SPATA13: variants seen among roughly 807,000 people sequenced by gnomAD.
SPATA13 encodes the protein spermatogenesis associated 13.
A neutral mutation model predicts 104.0 loss-of-function variants in SPATA13; 50 were observed. The ratio of observed to expected loss-of-function variants is 0.48; its 90% CI spans 0.38 to 0.61. The LOEUF (loss-of-function observed/expected upper bound fraction) is 0.61. Among genes scored for constraint, SPATA13 ranks in the 20% least tolerant of loss-of-function variants. The pLI is 0.00. For synonymous variants in SPATA13, 606 were observed against 667.5 expected (o/e 0.91, Z 1.42); for missense variants, 1,524 against 1,690.6 (o/e 0.90, Z 1.73).
At chr13:24,185,667 A>G (rs1869096863) in intron 1 of SPATA13, among the ~76,000 whole-genome samples, 1 of 152,154 alleles carries the variant, frequency 6.6e-6, no homozygotes, top group African/African-American at 2.4e-5. Context: ...ATGAAACATC[A>G]TAATTGAAGG....
At chr13:24,192,758 G>C (rs1220352403) in intron 1 of SPATA13, among the ~76,000 whole-genome samples, 1 of 152,090 alleles carries the variant, frequency 6.6e-6, no homozygotes, top group South Asian at 2.1e-4. Context: ...TTGTGGAAGG[G>C]GTGCCATGGA....
intron 8 of SPATA13, 71 bp downstream of exon 8, chr13:24,289,249 C>T: frequency 7.8e-7 from 1 of 1,277,930 alleles, no homozygotes; most frequent in South Asian, 1.4e-5. Flanking sequence ...CCACAGAAAA[C>T]AGGAGTCTCT....
At chr13:24,221,588 G>A (rs79688450) in intron 1 of SPATA13, among the ~76,000 whole-genome samples, 1,865 of 152,168 alleles carry the variant, frequency 0.012, 41 homozygotes, top group African/African-American at 0.042. Context: ...AGATCTGAGG[G>A]GAAGGGATGG....
chr13:24,025,868 G>T (rs1431264728), intron 3 of SPATA13, among the ~76,000 whole-genome samples: 1 of 148,876 alleles, frequency 6.7e-6, no homozygotes, highest in African/African-American at 2.5e-5. Context: ...GGAGTGCAAT[G>T]GCGCGATCTC....
chr13:24,006,895 G>A (rs1200564440), intron 2 of SPATA13, among the ~76,000 whole-genome samples: 2 of 152,222 alleles, frequency 1.3e-5, no homozygotes, highest in Non-Finnish European at 2.9e-5. Context: ...CAATTAACAC[G>A]AAGCCCCTCT....
In SPATA13 at chr13:24,265,672, C is replaced by A. The variant is rs562602635; in HGVS notation, c.2164+13810C>A. Among the ~76,000 whole-genome samples the A allele has an allele frequency of 6.0e-3, 913 of 152,200 alleles. 4 individuals carry two copies. Among genetic ancestry groups the A allele is most frequent in the Non-Finnish European group, 7.2e-3 (488 of 68,010 alleles). ...AGCCTTGGTTCTTGGCTGATGTGCC[C>A]ATCCTTCCGCCCATGTCCTAAAGCT... On this transcript the variant is annotated intron_variant, in intron 4 of 12. Coordinates refer to ENST00000382108, the MANE Select transcript of SPATA13 (RefSeq NM_001166271.3).
At chr13:24,266,172 G>A (rs1390386559) in intron 4 of SPATA13, among the ~76,000 whole-genome samples, 1 of 151,904 alleles carries the variant, frequency 6.6e-6, no homozygotes, top group Non-Finnish European at 1.5e-5. Flanking sequence ...CTTTCCCATA[G>A]GTATGTAAAT....
intron 2 of SPATA13, among the ~76,000 whole-genome samples, chr13:24,245,121 G>A (rs928642548): frequency 1.3e-5 from 2 of 152,122 alleles, no homozygotes; most frequent in Non-Finnish European, 2.9e-5. Flanking sequence ...TGGTGCATCC[G>A]TGGGCCCCGG....
chr13:23,980,475 T>C (rs906171184), intron 1 of SPATA13, among the ~76,000 whole-genome samples: 5 of 152,240 alleles, frequency 3.3e-5, no homozygotes, highest in Admixed American at 6.5e-5. Flanking sequence ...CCTCTGTCAC[T>C]TGGTTAGGGA....
At chr13:24,065,925 T>G (rs1350052100) in intron 3 of SPATA13, among the ~76,000 whole-genome samples, 1 of 152,206 alleles carries the variant, frequency 6.6e-6, no homozygotes, top group African/African-American at 2.4e-5. Context: ...TTGGACCCCT[T>G]AAGTAATCTG....
chr13:24,090,242 T>C (rs1278403975), intron 3 of SPATA13, among the ~76,000 whole-genome samples: 1 of 152,180 alleles, frequency 6.6e-6, no homozygotes, highest in Non-Finnish European at 1.5e-5. Flanking sequence ...AACTCACATG[T>C]GTTGACTTCT....
rs931458410 is a variant in SPATA13, at chr13:24,161,061, G to C, written c.-112+129G>C. ...CGGGATGTCCAGCTCCCAGCTGCTT[G>C]GCCTCTGCTTCCCCCGCCGGTGGAG... On this transcript the variant is annotated intron_variant, in intron 1 of 12. Transcript: ENST00000382108. This position sits in a 1 kb window ranked among gnomAD's most constrained non-coding sequence, Gnocchi z 4.5. The C allele has an allele frequency of 2.5e-5, 13 of 528,876 alleles. No homozygotes were observed. Among genetic ancestry groups the C allele is most frequent in the Admixed American group, 6.4e-5 (1 of 15,748 alleles). The allele number at this position is 528,876 out of a possible 1,614,324, so 32.8% of individuals were successfully genotyped here. A position where few individuals can be genotyped will look rare whatever the true frequency, so the allele number is the denominator to read the frequency against.
At chr13:24,270,810 G>T (rs778384253) in intron 4 of SPATA13, 1 of 1,612,534 alleles carries the variant, frequency 6.2e-7, no homozygotes, top group South Asian at 1.1e-5. Context: ...CGGCTCCTCG[G>T]TCACACCCCA....
intron 3 of SPATA13, among the ~76,000 whole-genome samples, chr13:24,070,090 C>T (rs375110569): frequency 6.6e-5 from 10 of 152,158 alleles, no homozygotes; most frequent in African/African-American, 1.2e-4. Flanking sequence ...TTAGCTTGGA[C>T]GGTGTTTCAC....
intron 1 of SPATA13, among the ~76,000 whole-genome samples, chr13:24,209,860 T>C (rs113068079): frequency 7.0e-4 from 106 of 152,310 alleles, no homozygotes; most frequent in African/African-American, 2.5e-3. Context: ...CCACAGGGGC[T>C]GTACTAATTC....
At chr13:24,099,446 G>T (rs962011753) in intron 3 of SPATA13, among the ~76,000 whole-genome samples, 5 of 152,202 alleles carry the variant, frequency 3.3e-5, no homozygotes, top group Non-Finnish European at 5.9e-5. Flanking sequence ...ATTCCAAGTC[G>T]TCAGTGGCCA....
Position 24,249,754 on chromosome 13 carries a change from C to A in SPATA13, c.1931C>A (p.Ala644Asp), listed in dbSNP as rs143963425. The change falls in exon 3 of 13, where the codon GCC becomes GAC. Residue 644 changes from alanine to aspartate, a missense_variant. Transcript: ENST00000382108. ...QNAPVGCPKG[A>D]RRRRPISVIG... ...GCTCCAGTGGGCTGCCCCAAAGGAG[C>A]CCGGAGAAGGCGCCCCATTTCCGTG... is the stretch of plus-strand genomic sequence containing the variant. 150 of 1,614,112 alleles carry A rather than the reference C, an allele frequency of 9.3e-5. No individual in the cohort carries two copies. The African/African-American group carries it at 1.9e-3, about 20-fold the overall frequency.
At chr13:24,293,148 A>T (rs1010159368) in intron 9 of SPATA13, among the ~76,000 whole-genome samples, 26 of 151,842 alleles carry the variant, frequency 1.7e-4, no homozygotes, top group African/African-American at 5.8e-4. Flanking sequence ...AATTAGAAAA[A>T]GGAGTTCATT....
At chr13:23,999,038 G>A (rs771293565) in intron 2 of SPATA13, among the ~76,000 whole-genome samples, 4 of 150,960 alleles carry the variant, frequency 2.6e-5, no homozygotes, top group Middle Eastern at 3.4e-3. Flanking sequence ...CAATTCTTAC[G>A]CCTCAGCCTC....
Sources: gnomAD v4.1 joint callset for allele counts (sites outside exome capture counted in the v4.1 genomes callset) on GRCh38, gnomAD v4.1.1 for gene constraint, Gnocchi (gnomAD v3.1) non-coding constraint, MANE v1.5 for transcripts, NCBI Gene and HGNC (gene_info 2026-07-23, HGNC 2026-07-21) for gene names.